YPEL2: variants seen among roughly 807,000 people sequenced by gnomAD.
YPEL2 encodes the protein yippee like 2, also known as protein yippee-like 2.
In YPEL2, 2 loss-of-function variants were observed where a neutral mutation model predicts 19.1. That is an observed-to-expected ratio of 0.10 (90% CI 0.04 to 0.33). The LOEUF (loss-of-function observed/expected upper bound fraction) is 0.33, where lower values mean the gene tolerates loss of function less well. Among genes scored for constraint, YPEL2 ranks in the 10% least tolerant of loss-of-function variants. The pLI, the probability that YPEL2 is intolerant of heterozygous loss-of-function variation, is 1.00. For synonymous variants in YPEL2, 52 were observed against 50.0 expected, an observed-to-expected ratio of 1.04 and a Z score of -0.17; for missense variants, 66 against 140.7, an observed-to-expected ratio of 0.47 and a Z score of 2.68.
chr17:59,378,603 CT>C (rs1312409948), intron 2 of YPEL2, among the ~76,000 whole-genome samples: 3 of 152,298 alleles, frequency 2.0e-5, no homozygotes, highest in African/African-American at 7.2e-5. Context: ...TCCCACAGTG[CT>C]GGGACTACAG....
At chr17:59,371,873 CGAG>C (rs1482627526) in intron 2 of YPEL2, among the ~76,000 whole-genome samples, 1 of 152,146 alleles carries the variant, frequency 6.6e-6, no homozygotes, top group Non-Finnish European at 1.5e-5. Flanking sequence ...ATGGGAGTGA[CGAG>C]GAAGTTTGCA....
chr17:59,392,092 CA>C (rs2048010446), intron 4 of YPEL2, among the ~76,000 whole-genome samples: 1 of 152,080 alleles, frequency 6.6e-6, no homozygotes, highest in Admixed American at 6.6e-5. Context: ...TGTGGTTATC[CA>C]GAAATGTTCT....
intron 1 of YPEL2, among the ~76,000 whole-genome samples, chr17:59,339,030 C>G (rs2047713587): frequency 6.6e-6 from 1 of 152,090 alleles, no homozygotes; most frequent in Admixed American, 6.5e-5. Flanking sequence ...GGCTTTTGGC[C>G]CCCTTGCCCT....
chr17:59,373,102 C>T (rs996569356), intron 2 of YPEL2, among the ~76,000 whole-genome samples: 2 of 152,088 alleles, frequency 1.3e-5, no homozygotes, highest in African/African-American at 4.8e-5. Context: ...GAACTGACCT[C>T]GTGATCCACC....
intron 3 of YPEL2, 146 bp from the exon 4 acceptor site, chr17:59,389,214 T>G: frequency 1.6e-6 from 1 of 612,434 alleles, no homozygotes; most frequent in East Asian, 2.8e-5. Flanking sequence ...GTGGCCACCT[T>G]TTGGGGATTG....
At chr17:59,346,848 G>A (rs1283665636) in intron 1 of YPEL2, among the ~76,000 whole-genome samples, 2 of 152,124 alleles carry the variant, frequency 1.3e-5, no homozygotes, top group African/African-American at 4.8e-5. Context: ...GAGGAGAGAT[G>A]GAAAGGTTGT....
intron 1 of YPEL2, among the ~76,000 whole-genome samples, chr17:59,336,702 C>A (rs1164570274): frequency 5.3e-5 from 8 of 152,162 alleles, no homozygotes; most frequent in Non-Finnish European, 1.2e-4. Context: ...TAGGTGGATT[C>A]CCCTCTCTCT....
chr17:59,396,353 C>T (rs2048039277), intron 4 of YPEL2, among the ~76,000 whole-genome samples: 1 of 152,134 alleles, frequency 6.6e-6, no homozygotes, highest in Non-Finnish European at 1.5e-5. Context: ...ATATTGTAGT[C>T]ATGGGAGACA....
intron 1 of YPEL2, among the ~76,000 whole-genome samples, chr17:59,339,688 C>T (rs1217291532): frequency 1.3e-5 from 2 of 152,172 alleles, no homozygotes; most frequent in Non-Finnish European, 2.9e-5. Flanking sequence ...GAAGGATCTA[C>T]TTGCAAGGGA....
At chr17:59,348,550 G>C (rs967575879) in intron 1 of YPEL2, among the ~76,000 whole-genome samples, 2 of 152,238 alleles carry the variant, frequency 1.3e-5, no homozygotes, top group African/African-American at 4.8e-5. Context: ...TCTCGAGGTG[G>C]TGTATCGAAG....
At chr17:59,361,871 C>T (rs1047346936) in intron 2 of YPEL2, among the ~76,000 whole-genome samples, 1 of 152,122 alleles carries the variant, frequency 6.6e-6, no homozygotes, top group Non-Finnish European at 1.5e-5. Context: ...GAAGCAGAAG[C>T]CTCAAATGAT....
At chr17:59,371,521 C>G (rs2047897420) in intron 2 of YPEL2, among the ~76,000 whole-genome samples, 1 of 152,174 alleles carries the variant, frequency 6.6e-6, no homozygotes, top group South Asian at 2.1e-4. Flanking sequence ...TTTGTGTGAG[C>G]TGGAGAATGC....
chr17:59,357,530 G>A (rs1332201276), intron 2 of YPEL2, among the ~76,000 whole-genome samples: 1 of 152,140 alleles, frequency 6.6e-6, no homozygotes, highest in Non-Finnish European at 1.5e-5. Context: ...TTTTGAGTTG[G>A]CATGAGGAAT....
At chr17:59,336,944 C>T (rs914312998) in intron 1 of YPEL2, among the ~76,000 whole-genome samples, 1 of 152,178 alleles carries the variant, frequency 6.6e-6, no homozygotes, top group African/African-American at 2.4e-5. Flanking sequence ...TCTATCTGCT[C>T]CTGTGGCGAT....
chr17:59,346,982 TG>T (rs2047759593), intron 1 of YPEL2, among the ~76,000 whole-genome samples: 1 of 152,122 alleles, frequency 6.6e-6, no homozygotes. Context: ...TCCTGACACA[TG>T]GTAGACTCTT....
chr17:59,341,487 C>T (rs539188340), intron 1 of YPEL2, among the ~76,000 whole-genome samples: 45 of 151,620 alleles, frequency 3.0e-4, no homozygotes, highest in African/African-American at 7.5e-4. Flanking sequence ...TGGCAAAACC[C>T]GTCCCTACTA....
rs2048052403 is a variant in YPEL2, at chr17:59,398,422, A to G, written c.*1232A>G. On this transcript the variant is annotated 3_prime_UTR_variant, in exon 5 of 5. Coordinates refer to ENST00000312655, the MANE Select transcript of YPEL2 (RefSeq NM_001005404.4). Reference sequence around the variant, plus strand: ...GGCTGGTAGATTCCTCATGCCCCTAATTGTCCCACTTAGGCCTGAATGTCT... The same window carrying G: ...GGCTGGTAGATTCCTCATGCCCCTAGTTGTCCCACTTAGGCCTGAATGTCT... 1 of 152,144 alleles carries G rather than the reference A, an allele frequency of 6.6e-6. No homozygotes were observed. The highest frequency in any genetic ancestry group is 2.4e-5 in the African/African-American group (1 of 41,426). 9.4% of individuals were successfully genotyped at this position (152,144 alleles called of 1,614,324 possible).
chr17:59,379,747 C>A (rs907786568), intron 2 of YPEL2, among the ~76,000 whole-genome samples: 1 of 152,164 alleles, frequency 6.6e-6, no homozygotes. Flanking sequence ...ATATCTCACA[C>A]TCTTTTGTAA....
At chr17:59,364,629 T>C (rs1260123673) in intron 2 of YPEL2, among the ~76,000 whole-genome samples, 1 of 143,134 alleles carries the variant, frequency 7.0e-6, no homozygotes, top group South Asian at 2.4e-4. Flanking sequence ...TTTTTTTTTT[T>C]TTTTTTGAGA....
Sources: allele counts gnomAD v4.1 joint callset (sites outside exome capture counted in the v4.1 genomes callset), GRCh38; gene constraint gnomAD v4.1.1; transcripts MANE v1.5; gene names NCBI Gene and HGNC (gene_info 2026-07-23, HGNC 2026-07-21).